TIGD7: variants seen among roughly 807,000 people sequenced by gnomAD.
TIGD7 encodes tigger transposable element derived 7.
TIGD7 carries 26 observed loss-of-function variants against 24.8 expected under a neutral mutation model. The observed-to-expected ratio is 1.05, with a 90% CI of 0.77 to 1.45. The LOEUF (loss-of-function observed/expected upper bound fraction) is 1.45, where lower values mean the gene tolerates loss of function less well. Ranked by LOEUF, TIGD7 falls within the 40% of genes most tolerant of loss-of-function variation. The pLI is 0.00. For synonymous variants in TIGD7, 221 were observed against 224.1 expected, an observed-to-expected ratio of 0.99 and a Z score of 0.12; for missense variants, 679 against 641.6, an observed-to-expected ratio of 1.06 and a Z score of -0.63.
At position 3,299,988 on chromosome 16, in the gene TIGD7, C is replaced by A. The variant is rs567650006; in HGVS notation, c.627G>T (p.Arg209Ser). Residue 209 changes from arginine (R) to serine (S), a missense_variant, in exon 2 of 2, where the codon AGG (arginine) becomes AGT (serine). Arg to Ser is a moderately radical substitution (Grantham distance 110, BLOSUM62 -1). Transcript: ENST00000396862. Reference protein sequence around the residue: ...CLPGKKINKERLSAFLCANAD... With the variant: ...CLPGKKINKESLSAFLCANAD... ...CATTTGCACATAAAAAGGCAGACAA[C>A]CTTTCTTTGTTTATTTTCTTCCCTG... The A allele has an allele frequency of 4.0e-5, 64 of 1,613,920 alleles. No homozygotes were observed. The highest frequency in any genetic ancestry group is 6.7e-5 in the Admixed American group (4 of 59,976).
In TIGD7 at chr16:3,298,932, T is replaced by A. The variant is rs370768253; in HGVS notation, c.*33A>T. ...CAAGACAATTCACAGCTGGCCTACA[T>A]CATATAATGGCAGAAATCTTTAAAC... is the stretch of plus-strand genomic sequence containing the variant. On this transcript the variant is annotated 3_prime_UTR_variant, in exon 2 of 2. Transcript: ENST00000396862. The A allele has an allele frequency of 1.5e-5, 14 of 955,968 alleles. No individual in the cohort carries two copies. Among genetic ancestry groups the A allele is most frequent in the Non-Finnish European group, 1.9e-5 (13 of 696,004 alleles). 59.2% of individuals were successfully genotyped at this position (955,968 alleles called of 1,614,324 possible).
rs771307416 is a variant in TIGD7 at position 3,299,647 on chromosome 16, G to GATAA, written c.967_968insTTAT (p.Thr323IlefsTer22). 5.1e-6 allele frequency: 8 copies of GATAA among 1,562,212 alleles called. No homozygotes were observed. The highest frequency in any genetic ancestry group is 6.9e-6 in the Non-Finnish European group (8 of 1,160,846). ...ATTCATTGGTTGAATCAAGGTTGAA[G>GATAA]TGTTATGGGGGAAGAACATACATTT... On this transcript the variant is annotated frameshift_variant, in exon 2 of 2. Transcript: ENST00000396862. LOFTEE classifies it low-confidence loss of function (END_TRUNC).
Position 3,299,731 on chromosome 16 carries a change from A to G in TIGD7, c.884T>C (p.Leu295Pro), listed in dbSNP as rs1425565231. ...GGAAGGATGAGCCGGGCAACTGTCC[A>G]GAAGTAACAATGCCCTGACGTCCTC... ...HDEDVRALLL[L>P]DSCPAHPSSE... The change falls in exon 2 of 2, where the codon CTG becomes CCG. Residue 295 changes from leucine (L) to proline (P), a missense_variant. Coordinates refer to ENST00000396862, the MANE Select transcript of TIGD7 (RefSeq NM_033208.4). The G allele has an allele frequency of 6.5e-7, 1 of 1,540,768 alleles. No individual in the cohort carries two copies.
rs572721952 is a variant in TIGD7, at chr16:3,301,549, T to C, written c.-935A>G. 1 of 167,152 alleles carries C rather than the reference T, an allele frequency of 6.0e-6. No individual in the cohort carries two copies. Among genetic ancestry groups the C allele is most frequent in the African/African-American group, 2.4e-5 (1 of 41,588 alleles). 10.4% of individuals were successfully genotyped at this position (167,152 alleles called of 1,614,324 possible). On this transcript the variant is annotated 5_prime_UTR_variant, in exon 2 of 2. Coordinates refer to ENST00000396862, the MANE Select transcript of TIGD7 (RefSeq NM_033208.4). ...GTGCTATTTTTCACTGAAACTGTTC[T>C]CTATTTGAGATATTATCAAGTTTCA...
Position 3,300,027 on chromosome 16 carries a change from T to A in TIGD7, c.588A>T (p.Lys196Asn). 6.2e-7 allele frequency: 1 copy of A among 1,614,228 alleles called. No individual in the cohort carries two copies. Among genetic ancestry groups the A allele is most frequent in the African/African-American group, 1.3e-5 (1 of 75,068 alleles). The change falls in exon 2 of 2, where the codon AAA becomes AAT. Residue 196 changes from lysine (K) to asparagine (N), a missense_variant. Physicochemically the swap from Lys to Asn is moderately conservative, Grantham distance 94. Transcript: ENST00000396862. ...SMPENSQASR[K>N]DICLPGKKIN... is the part of the protein sequence containing the mutation. ...TTTTCTTCCCTGGTAGGCAGATATC[T>A]TTCCTACTTGCCTGAGAATTTTCTG...
chr16:3,299,876 C>A lies in TIGD7; in HGVS notation c.739G>T (p.Val247Leu). The change falls in exon 2 of 2, where the codon GTG becomes TTG. Residue 247 changes from valine (V) to leucine (L), a missense_variant. Val to Leu is a conservative substitution (Grantham distance 32). Transcript: ENST00000396862. ...SVKEDTSTLP[V>L]IYKPSKDVWF... ...ACATCTTTACTGGGTTTATATATCA[C>A]AGGCAATGTACTTGTGTCCTCTTTC... 6.2e-7 allele frequency: 1 copy of A among 1,600,330 alleles called. No individual in the cohort carries two copies. Among genetic ancestry groups the A allele is most frequent in the Non-Finnish European group, 8.5e-7 (1 of 1,173,750 alleles).
Position 3,299,950 on chromosome 16 carries a change from T to G in TIGD7, c.665A>C (p.His222Pro), listed in dbSNP as rs2150779413. The G allele has an allele frequency of 6.2e-7, 1 of 1,613,410 alleles. No individual in the cohort carries two copies. The highest frequency in any genetic ancestry group is 8.5e-7 in the Non-Finnish European group (1 of 1,179,802). ...AFLCANADGT[H>P]KLKSIIIGKS... ...TCCAATAATGATTGACTTTAATTTA[T>G]GAGTTCCGTCTGCATTTGCACATAA... The change falls in exon 2 of 2, where the codon CAT (histidine) becomes CCT (proline). Residue 222 changes from histidine to proline, a missense_variant. His to Pro is a moderately conservative substitution (Grantham distance 77, BLOSUM62 -2). Coordinates refer to ENST00000396862, the MANE Select transcript of TIGD7 (RefSeq NM_033208.4).
chr16:3,299,459 T>C lies in TIGD7; in HGVS notation c.1156A>G (p.Ser386Gly). The change falls in exon 2 of 2, where the codon AGT becomes GGT. Residue 386 changes from serine to glycine, a missense_variant. Coordinates refer to ENST00000396862, the MANE Select transcript of TIGD7 (RefSeq NM_033208.4). ...IKSAIFNWAK[S>G]WEEVKQITIA... The stretch of plus-strand genomic sequence containing the variant: ...GTTATTTGTTTTACTTCTTCCCAAC[T>C]TTTTGCCCAGTTAAAAATTGCACTT... 1 of 1,555,202 alleles carries C rather than the reference T, an allele frequency of 6.4e-7. No homozygotes were observed.
At position 3,299,100 on chromosome 16, in the gene TIGD7, T is replaced by G; in HGVS notation, c.1515A>C (p.Lys505Asn). ...PEFQRFHFTLKEMQQEIVKKQ... is the reference protein window; with the variant it reads ...PEFQRFHFTLNEMQQEIVKKQ... Reference sequence around the variant, plus strand: ...TCTTGACTATTTCTTGTTGCATCTCTTTCAGTGTGAAGTGGAATCTCTGAA... The same window carrying G: ...TCTTGACTATTTCTTGTTGCATCTCGTTCAGTGTGAAGTGGAATCTCTGAA... Residue 505 changes from lysine (K) to asparagine (N), a missense_variant, in exon 2 of 2, where the codon AAA becomes AAC. Physicochemically the swap from Lys to Asn is moderately conservative, Grantham distance 94. Transcript: ENST00000396862. 6.9e-7 allele frequency: 1 copy of G among 1,442,790 alleles called. No homozygotes were observed. The highest frequency in any genetic ancestry group is 9.1e-7 in the Non-Finnish European group (1 of 1,097,344). 89.4% of individuals were successfully genotyped at this position (1,442,790 alleles called of 1,614,324 possible).
At position 3,300,414 on chromosome 16, in the gene TIGD7, C is replaced by T. The variant is rs1467704239; in HGVS notation, c.201G>A (p.Glu67=). 1.2e-6 allele frequency: 2 copies of T among 1,614,232 alleles called. No homozygotes were observed. The highest frequency in any genetic ancestry group is 1.7e-6 in the Non-Finnish European group (2 of 1,180,048). ...LKQDMPLVGA[E]KRKRTTGAKY... is the part of the protein sequence containing the mutation. ...TGGCTCCCGTTGTCCTCTTTCTCTT[C>T]TCAGCCCCTACTAATGGCATGTCCT... The change falls in exon 2 of 2, where the codon GAG becomes GAA. Residue 67 remains glutamate (E), a synonymous_variant. Transcript: ENST00000396862.
rs754151532 is a variant in TIGD7 at position 3,300,594 on chromosome 16, A to G, written c.21T>C (p.Tyr7=). The part of the protein sequence containing the change: MNKRGK[Y]TTLNLEEKMK... Reference sequence around the variant, plus strand: ...TTTTCTCCTCCAAATTCAGTGTTGTATATTTCCCTCTCTTATTCATACTGA... The same window carrying G: ...TTTTCTCCTCCAAATTCAGTGTTGTGTATTTCCCTCTCTTATTCATACTGA... Residue 7 remains tyrosine (Y), a synonymous_variant, in exon 2 of 2, where the codon TAT becomes TAC. Transcript: ENST00000396862. 10 of 1,587,346 alleles carry G rather than the reference A, an allele frequency of 6.3e-6. No individual in the cohort carries two copies. Among genetic ancestry groups the G allele is most frequent in the Admixed American group, 3.6e-5 (2 of 56,040 alleles).
chr16:3,304,726 C>T (rs1294872816), intron 1 of TIGD7: 4 of 152,198 alleles, frequency 2.6e-5, no homozygotes, highest in Non-Finnish European at 4.4e-5. Flanking sequence ...ATTCTTATAA[C>T]TATGATTCAG....
chr16:3,301,215 C>T lies in TIGD7; in HGVS notation c.-601G>A, dbSNP rs963971872. ...CAAATTGCTTTGTACATAGTGTTCA[C>T]TGGGCAGCAGTTCATCTACCTGGAT... On this transcript the variant is annotated 5_prime_UTR_variant, in exon 2 of 2. In the 5' UTR this introduces an upstream ATG that the reference lacks. Coordinates refer to ENST00000396862, the MANE Select transcript of TIGD7 (RefSeq NM_033208.4). 2.4e-5 allele frequency: 4 copies of T among 167,178 alleles called. No homozygotes were observed. The highest frequency in any genetic ancestry group is 9.6e-5 in the African/African-American group (4 of 41,464). The allele number at this position is 167,178 out of a possible 1,614,324, so 10.4% of individuals were successfully genotyped here. A position where few individuals can be genotyped will look rare whatever the true frequency, so the allele number is the denominator to read the frequency against.
chr16:3,305,329 A>G lies in TIGD7; in HGVS notation c.-1513T>C, dbSNP rs1960109794. ...GACAGCCACGCGGTGAGCCGGTACA[A>G]GGCCCTCTAGGCTTCAGCGGGTCTG... On this transcript the variant is annotated 5_prime_UTR_variant, in exon 1 of 2. Coordinates refer to ENST00000396862, the MANE Select transcript of TIGD7 (RefSeq NM_033208.4). 6.6e-6 allele frequency: 1 copy of G among 152,316 alleles called. No homozygotes were observed. The highest frequency in any genetic ancestry group is 2.4e-5 in the African/African-American group (1 of 41,472). The allele number at this position is 152,316 out of a possible 1,614,324, so 9.4% of individuals were successfully genotyped here.
chr16:3,300,728 G>C lies in TIGD7; in HGVS notation c.-114C>G. The C allele has an allele frequency of 6.9e-7, 1 of 1,458,376 alleles. No homozygotes were observed. Among genetic ancestry groups the C allele is most frequent in the Non-Finnish European group, 9.1e-7 (1 of 1,104,318 alleles). 90.3% of individuals were successfully genotyped at this position (1,458,376 alleles called of 1,614,324 possible). Reference sequence around the variant, plus strand: ...AAAACTTAGCTGAAAGCCCCAGAAGGCATGGGCATTGTATTGGAGGATAAT... The same window carrying C: ...AAAACTTAGCTGAAAGCCCCAGAAGCCATGGGCATTGTATTGGAGGATAAT... On this transcript the variant is annotated 5_prime_UTR_variant, in exon 2 of 2. Coordinates refer to ENST00000396862, the MANE Select transcript of TIGD7 (RefSeq NM_033208.4).
chr16:3,305,006 T>G (rs770485701), intron 1 of TIGD7: 7 of 151,810 alleles, frequency 4.6e-5, no homozygotes, highest in Non-Finnish European at 7.4e-5. Flanking sequence ...CAAGAAAAAA[T>G]AGTTGTGGGG....
At position 3,299,555 on chromosome 16, in the gene TIGD7, A is replaced by C. The variant is rs1224065783; in HGVS notation, c.1060T>G (p.Phe354Val). Residue 354 changes from phenylalanine to valine, a missense_variant, in exon 2 of 2, where the codon TTT becomes GTT. By Grantham distance (50) the Phe-to-Val change is conservative. Coordinates refer to ENST00000396862, the MANE Select transcript of TIGD7 (RefSeq NM_033208.4). ...WKQLEESLVI[F>V]EESDDEQEKG... ...TCTTGCTCATCATCACTTTCTTCAA[A>C]TATTACAAGACTCTCTTCAAGTTGC... 6.5e-7 allele frequency: 1 copy of C among 1,527,194 alleles called. No individual in the cohort carries two copies. Among genetic ancestry groups the C allele is most frequent in the Non-Finnish European group, 8.8e-7 (1 of 1,141,532 alleles). The allele number at this position is 1,527,194 out of a possible 1,614,324, so 94.6% of individuals were successfully genotyped here.
At chr16:3,305,075 C>T (rs569194737) in intron 1 of TIGD7, 137 bp downstream of exon 1, 5 of 152,366 alleles carry the variant, frequency 3.3e-5, no homozygotes, top group South Asian at 2.1e-4. Flanking sequence ...TGTTTCTGAC[C>T]TAGCGAGTGG....
chr16:3,299,608 A>C lies in TIGD7; in HGVS notation c.1007T>G (p.Leu336Trp). The change falls in exon 2 of 2, where the codon TTG becomes TGG. Residue 336 changes from leucine to tryptophan, a missense_variant. Coordinates refer to ENST00000396862, the MANE Select transcript of TIGD7 (RefSeq NM_033208.4). ...LIQPMNQGVI[L>W]SCKRLYRWKQ... Reference sequence around the variant, plus strand: ...CCATCTATACAGCCGTTTGCAGCTCAAGATCACACCTTGATTCATTGGTTG... The same window carrying C: ...CCATCTATACAGCCGTTTGCAGCTCCAGATCACACCTTGATTCATTGGTTG... 3.2e-6 allele frequency: 5 copies of C among 1,561,528 alleles called. No homozygotes were observed. The highest frequency in any genetic ancestry group is 4.3e-6 in the Non-Finnish European group (5 of 1,160,600).
Sources: allele counts gnomAD v4.1 joint callset, GRCh38; gene constraint gnomAD v4.1.1; transcripts MANE v1.5; gene names NCBI Gene and HGNC (gene_info 2026-07-23, HGNC 2026-07-21).